RYR2: variants seen among roughly 807,000 people sequenced by gnomAD.
The protein encoded by RYR2 is cardiac muscle ryanodine receptor-calcium release channel.
In RYR2, 227 loss-of-function variants were observed where a neutral mutation model predicts 601.1. That is an observed-to-expected ratio of 0.38 (90% CI 0.34 to 0.42). The LOEUF (loss-of-function observed/expected upper bound fraction) is 0.42, where lower values mean the gene tolerates loss of function less well. Ranked by LOEUF, RYR2 falls within the 10% of genes least tolerant of loss-of-function variation. RYR2 has a pLI of 1.00. For synonymous variants in RYR2, 2,223 were observed against 2,175.1 expected (o/e 1.02, Z -0.61); for missense variants, 4,646 against 6,156.5 (o/e 0.75, Z 8.21).
At chr1:237,480,397 AAAAG>A (rs1203959058) in intron 17 of RYR2, among the ~76,000 whole-genome samples, 10 of 151,812 alleles carry the variant, frequency 6.6e-5, no homozygotes, top group Non-Finnish European at 1.3e-4. Context: ...AAAAAAAAAA[AAAAG>A]AATATCTTGA....
intron 1 of RYR2, among the ~76,000 whole-genome samples, chr1:237,187,393 G>A (rs1023749761): frequency 6.9e-6 from 1 of 144,754 alleles, no homozygotes; most frequent in African/African-American, 2.6e-5. Context: ...TGCCTGCCTC[G>A]GCCTCCCAAA....
rs547432543 is a variant in RYR2 at position 237,819,278 on chromosome 1, C to T, written c.14590+86C>T. 9.1e-5 allele frequency: 117 copies of T among 1,284,898 alleles called. 2 individuals are homozygous for T. The South Asian group carries it at 1.4e-3, about 15-fold the overall frequency. The allele number at this position is 1,284,898 out of a possible 1,614,324, so 79.6% of individuals were successfully genotyped here. A position where few individuals can be genotyped will look rare whatever the true frequency, so the allele number is the denominator to read the frequency against. The stretch of plus-strand genomic sequence containing the variant: ...GTTAATATTCAAGGTAGGGTAATGA[C>T]GTCAAGTGTTTCCTGGCAAAGCCAA... On this transcript the variant is annotated intron_variant, in intron 101 of 104. Coordinates refer to ENST00000366574, the MANE Select transcript of RYR2 (RefSeq NM_001035.3). This position sits in a 1 kb window ranked among gnomAD's most constrained non-coding sequence, Gnocchi z 4.0.
intron 84 of RYR2, among the ~76,000 whole-genome samples, chr1:237,764,187 G>A (rs2149287777): frequency 6.6e-6 from 1 of 152,308 alleles, no homozygotes; most frequent in South Asian, 2.1e-4. Context: ...CAATGAGGTA[G>A]CTATTACCTT....
chr1:237,151,770 C>G (rs1208347376), intron 1 of RYR2, among the ~76,000 whole-genome samples: 1 of 152,132 alleles, frequency 6.6e-6, no homozygotes, highest in Non-Finnish European at 1.5e-5. Context: ...GGTGGTGGGC[C>G]AAGGACAGAG....
At chr1:237,525,444 TTTTG>T (rs1459403297) in intron 24 of RYR2, among the ~76,000 whole-genome samples, 3 of 129,728 alleles carry the variant, frequency 2.3e-5, no homozygotes, top group Admixed American at 1.6e-4. Context: ...CAGGTGTTTT[TTTTG>T]TTTGTTTGTT....
chr1:237,782,983 C>T (rs1695246503), intron 89 of RYR2, among the ~76,000 whole-genome samples: 1 of 152,254 alleles, frequency 6.6e-6, no homozygotes, highest in Non-Finnish European at 1.5e-5. Context: ...TCCTGCCTGT[C>T]TTTATGATAT....
chr1:237,788,276 T>G, intron 92 of RYR2, 141 bp downstream of exon 92: 4 of 632,466 alleles, frequency 6.3e-6, no homozygotes, highest in Non-Finnish European at 1.1e-5. Flanking sequence ...TTGCTCATTG[T>G]AGTGTGTTTA....
At position 237,162,863 on chromosome 1, in the gene RYR2, C is replaced by T. The variant is rs117322481; in HGVS notation, c.49-107634C>T. Among the ~76,000 whole-genome samples, 123 of 152,144 alleles carry T rather than the reference C, an allele frequency of 8.1e-4. 2 individuals carry two copies. The East Asian group carries it at 0.023, about 28-fold the overall frequency. On this transcript the variant is annotated intron_variant, in intron 1 of 104. Transcript: ENST00000366574. ...ATGCCTGCTGTTCATAGAGTTAGAACGTTCTGCAGGAGTCTAATGGGGCTG... is the reference window on the plus strand; with the variant it reads ...ATGCCTGCTGTTCATAGAGTTAGAATGTTCTGCAGGAGTCTAATGGGGCTG...
intron 12 of RYR2, among the ~76,000 whole-genome samples, chr1:237,427,227 G>A (rs985472745): frequency 6.6e-6 from 1 of 152,140 alleles, no homozygotes; most frequent in Non-Finnish European, 1.5e-5. Context: ...ATGCAGGCAT[G>A]CAGACAATGA....
chr1:237,130,701 A>T (rs200699267), intron 1 of RYR2, among the ~76,000 whole-genome samples: 1 of 32,436 alleles, frequency 3.1e-5, no homozygotes, highest in Non-Finnish European at 1.1e-4. Flanking sequence ...GTCTCAAAAT[A>T]AAAAAAAAAA....
chr1:237,737,370 A>G (rs1166215695), intron 79 of RYR2, among the ~76,000 whole-genome samples: 2 of 152,176 alleles, frequency 1.3e-5, no homozygotes, highest in African/African-American at 4.8e-5. Context: ...TCTCCAGTAT[A>G]TTCATATGTG....
chr1:237,359,180 A>G (rs932411079), intron 4 of RYR2, among the ~76,000 whole-genome samples: 3 of 152,204 alleles, frequency 2.0e-5, no homozygotes, highest in African/African-American at 4.8e-5. Context: ...GGCTGAGAAC[A>G]CTTACATTAG....
intron 67 of RYR2, among the ~76,000 whole-genome samples, chr1:237,706,156 T>G (rs1053323229): frequency 6.6e-5 from 10 of 152,022 alleles, no homozygotes; most frequent in Non-Finnish European, 1.0e-4. Context: ...GGCTGAGGCA[T>G]GAGAATCGCT....
chr1:237,276,132 C>G lies in RYR2; in HGVS notation c.168+5516C>G, dbSNP rs144329802. The stretch of plus-strand genomic sequence containing the variant: ...TATTTTTTTTTGAGATGGAGTCTCG[C>G]TCTGTTGCCCAGGTTGGAGCGTGGT... On this transcript the variant is annotated intron_variant, in intron 2 of 104. Coordinates refer to ENST00000366574, the MANE Select transcript of RYR2 (RefSeq NM_001035.3). Among the ~76,000 whole-genome samples, 1,448 of 152,228 alleles carry G rather than the reference C, an allele frequency of 9.5e-3. 35 individuals carry two copies. Among genetic ancestry groups the G allele is most frequent in the African/African-American group, 0.033 (1,384 of 41,544 alleles).
chr1:237,152,896 G>A (rs1674888883), intron 1 of RYR2, among the ~76,000 whole-genome samples: 1 of 145,236 alleles, frequency 6.9e-6, no homozygotes, highest in African/African-American at 2.6e-5. Context: ...AAAAATTTTT[G>A]CAGTTACCCA....
intron 27 of RYR2, among the ~76,000 whole-genome samples, chr1:237,551,641 A>G (rs1572843052): frequency 6.6e-6 from 1 of 152,214 alleles, no homozygotes; most frequent in East Asian, 1.9e-4. Flanking sequence ...GCAAAAAACA[A>G]ATTACGGTTG....
chr1:237,220,697 G>A (rs7541924), intron 1 of RYR2, among the ~76,000 whole-genome samples: 58,851 of 152,024 alleles, frequency 0.39, 11,836 homozygotes, highest in East Asian at 0.58. Context: ...TTATTTTACA[G>A]TTGAGGAAAT....
At chr1:237,338,791 A>G (rs889930763) in intron 3 of RYR2, among the ~76,000 whole-genome samples, 2 of 152,202 alleles carry the variant, frequency 1.3e-5, no homozygotes, top group African/African-American at 4.8e-5. Flanking sequence ...TCAAGGATCA[A>G]AATGAAAAGA....
rs1558379921 is a variant in RYR2, at chr1:237,180,682, GTATA to G, written c.49-89811_49-89808del. Among the ~76,000 whole-genome samples, 1 of 146,304 alleles carries G rather than the reference GTATA, an allele frequency of 6.8e-6. No homozygotes were observed. The highest frequency in any genetic ancestry group is 2.0e-4 in the East Asian group (1 of 5,092). The stretch of plus-strand genomic sequence containing the variant: ...TATATGTATACATGTGTATATATGT[GTATA>G]TATGTATATATAAGTATATATACAC... On this transcript the variant is annotated intron_variant, in intron 1 of 104. Coordinates refer to ENST00000366574, the MANE Select transcript of RYR2 (RefSeq NM_001035.3). This position sits in a 1 kb window ranked among gnomAD's most constrained non-coding sequence, Gnocchi z 5.3.
Sources: gnomAD v4.1 joint callset for allele counts (sites outside exome capture counted in the v4.1 genomes callset) on GRCh38, gnomAD v4.1.1 for gene constraint, Gnocchi (gnomAD v3.1) non-coding constraint, MANE v1.5 for transcripts, NCBI Gene and HGNC (gene_info 2026-07-23, HGNC 2026-07-21) for gene names.